TRPC4: variants seen among roughly 807,000 people sequenced by gnomAD.
TRPC4 encodes transient receptor potential cation channel subfamily C member 4.
TRPC4 carries 49 observed loss-of-function variants against 99.4 expected under a neutral mutation model. The ratio of observed to expected loss-of-function variants is 0.49; its 90% CI spans 0.39 to 0.63. The LOEUF is 0.63. Ranked by LOEUF, TRPC4 falls within the 20% of genes least tolerant of loss-of-function variation. The pLI, the probability that TRPC4 is intolerant of heterozygous loss-of-function variation, is 0.00. For synonymous variants in TRPC4, 454 were observed against 425.9 expected (o/e 1.07, Z -0.81); for missense variants, 898 against 1,152.9 (o/e 0.78, Z 3.20).
chr13:37,860,705 T>C (rs897927545), intron 1 of TRPC4, among the ~76,000 whole-genome samples: 1 of 151,424 alleles, frequency 6.6e-6, no homozygotes, highest in Non-Finnish European at 1.5e-5. Context: ...CACCTACATA[T>C]GGAAGTACCC....
intron 10 of TRPC4, among the ~76,000 whole-genome samples, chr13:37,638,166 C>G (rs961672363): frequency 2.0e-5 from 3 of 152,256 alleles, no homozygotes; most frequent in Middle Eastern, 3.4e-3. Flanking sequence ...ATTTCTTAGA[C>G]TCATCCTTTT....
chr13:37,745,455 T>TACGC (rs1485852144), intron 3 of TRPC4, among the ~76,000 whole-genome samples: 3 of 6,966 alleles, frequency 4.3e-4, no homozygotes, highest in East Asian at 8.1e-3. Context: ...TATATATATA[T>TACGC]ATATATATAT....
At position 37,712,188 on chromosome 13, in the gene TRPC4, G is replaced by A. The variant is rs184495348; in HGVS notation, c.898-19853C>T. On this transcript the variant is annotated intron_variant, in intron 3 of 10. Coordinates refer to ENST00000379705, the MANE Select transcript of TRPC4 (RefSeq NM_016179.4). ...GTCTATTCCAGAAGATAGGGATTGT[G>A]GTTATGTCCTTGATTGCCTTTCTCT... Among the ~76,000 whole-genome samples the A allele has an allele frequency of 2.0e-5, 3 of 152,196 alleles. No individual in the cohort carries two copies. In the East Asian group the frequency reaches 5.8e-4, roughly 29 times the overall value.
chr13:37,759,869 A>G (rs990934681), intron 2 of TRPC4, among the ~76,000 whole-genome samples: 3 of 134,060 alleles, frequency 2.2e-5, no homozygotes, highest in East Asian at 2.0e-4. Flanking sequence ...TATTTCTTAT[A>G]TTTATTTCAT....
chr13:37,863,805 G>A (rs1401836800), intron 1 of TRPC4, among the ~76,000 whole-genome samples: 2 of 151,582 alleles, frequency 1.3e-5, no homozygotes, highest in Non-Finnish European at 3.0e-5. Flanking sequence ...TGAACAGTGT[G>A]TTAAAGAGGT....
At chr13:37,747,387 C>T (rs183421063) in intron 2 of TRPC4, among the ~76,000 whole-genome samples, 1 of 152,276 alleles carries the variant, frequency 6.6e-6, no homozygotes, top group Non-Finnish European at 1.5e-5. Context: ...TGACACCCAA[C>T]CCTGAGTGAA....
rs374741186 is a variant in TRPC4, at chr13:37,782,488, A to G, written c.378+468T>C. On this transcript the variant is annotated intron_variant, in intron 2 of 10. Transcript: ENST00000379705. Reference sequence around the variant, plus strand: ...TGTTAAAGGATAATATCAAAATTAGATGGTGCAACTCACTTTTGCAGTAAG... The same window carrying G: ...TGTTAAAGGATAATATCAAAATTAGGTGGTGCAACTCACTTTTGCAGTAAG... 9.2e-5 allele frequency among the ~76,000 whole-genome samples: 14 copies of G among 152,192 alleles called. No homozygotes were observed. In the East Asian group the frequency reaches 2.3e-3, roughly 25 times the overall value.
intron 1 of TRPC4, among the ~76,000 whole-genome samples, chr13:37,797,712 T>C (rs1471574205): frequency 1.3e-5 from 2 of 152,182 alleles, no homozygotes; most frequent in African/African-American, 4.8e-5. Flanking sequence ...TTTATAAAGG[T>C]TCATTATGCA....
intron 6 of TRPC4, among the ~76,000 whole-genome samples, chr13:37,657,318 C>G (rs896732692): frequency 6.6e-6 from 1 of 152,146 alleles, no homozygotes; most frequent in Non-Finnish European, 1.5e-5. Context: ...CAGATTCCAA[C>G]AATAATAGAG....
intron 3 of TRPC4, among the ~76,000 whole-genome samples, chr13:37,706,496 CTTTTAAG>C (rs902679151): frequency 1.3e-5 from 2 of 151,978 alleles, no homozygotes; most frequent in Non-Finnish European, 2.9e-5. Flanking sequence ...TATTATTATA[CTTTTAAG>C]TTTTAGGGTA....
intron 2 of TRPC4, among the ~76,000 whole-genome samples, chr13:37,768,263 ATTTCT>A (rs1008336170): frequency 3.7e-4 from 56 of 151,626 alleles, no homozygotes; most frequent in African/African-American, 1.3e-3. Context: ...TGTCTTAAAA[ATTTCT>A]TCTCTTCTGA....
At chr13:37,747,336 T>C (rs1955816332) in intron 2 of TRPC4, among the ~76,000 whole-genome samples, 1 of 152,172 alleles carries the variant, frequency 6.6e-6, no homozygotes, top group South Asian at 2.1e-4. Flanking sequence ...AATTTCCACA[T>C]ACTTTAAAGA....
intron 1 of TRPC4, among the ~76,000 whole-genome samples, chr13:37,855,334 G>GTATATA (rs1319645869): frequency 4.2e-4 from 48 of 114,122 alleles, no homozygotes; most frequent in South Asian, 2.8e-3. Flanking sequence ...TATATACAAT[G>GTATATA]TAGATATATA....
At chr13:37,717,467 G>A (rs1372229965) in intron 3 of TRPC4, among the ~76,000 whole-genome samples, 1 of 152,124 alleles carries the variant, frequency 6.6e-6, no homozygotes, top group Non-Finnish European at 1.5e-5. Context: ...GTCAGCTGTG[G>A]TGTGGCTGAA....
At chr13:37,651,646 T>C (rs1295310459) in intron 7 of TRPC4, among the ~76,000 whole-genome samples, 187 bp from the exon 8 acceptor site, 6 of 152,198 alleles carry the variant, frequency 3.9e-5, no homozygotes, top group Non-Finnish European at 8.8e-5. Context: ...CCTAGGGTAG[T>C]CACAGCTCTC....
chr13:37,786,430 T>C (rs1412793962), intron 1 of TRPC4, among the ~76,000 whole-genome samples: 1 of 151,864 alleles, frequency 6.6e-6, no homozygotes, highest in African/African-American at 2.4e-5. Flanking sequence ...CACATGGGCT[T>C]GTCCTTGATT....
intron 1 of TRPC4, among the ~76,000 whole-genome samples, chr13:37,849,545 A>C (rs909907438): frequency 1.3e-5 from 2 of 152,224 alleles, no homozygotes; most frequent in Non-Finnish European, 2.9e-5. Flanking sequence ...ATGACCAAGC[A>C]GCCACTGAGT....
At chr13:37,803,635 G>T (rs1314399600) in intron 1 of TRPC4, among the ~76,000 whole-genome samples, 1 of 152,022 alleles carries the variant, frequency 6.6e-6, no homozygotes, top group Non-Finnish European at 1.5e-5. Context: ...TATGGCCACT[G>T]CTTTTATTAA....
At chr13:37,861,157 G>T (rs1466455598) in intron 1 of TRPC4, among the ~76,000 whole-genome samples, 1 of 151,304 alleles carries the variant, frequency 6.6e-6, no homozygotes, top group East Asian at 1.9e-4. Context: ...AATGATTTAG[G>T]TTATATGCTT....
Sources: gnomAD v4.1 joint callset for allele counts (sites outside exome capture counted in the v4.1 genomes callset) on GRCh38, gnomAD v4.1.1 for gene constraint, MANE v1.5 for transcripts, NCBI Gene and HGNC (gene_info 2026-07-23, HGNC 2026-07-21) for gene names.